Variants in ENTPD4 observed in about 807,000 individuals in gnomAD.
ENTPD4 encodes the protein ectonucleoside triphosphate diphosphohydrolase 4.
Under a neutral mutation model 79.1 loss-of-function variants are expected in ENTPD4, and 60 were observed. The ratio of observed to expected loss-of-function variants is 0.76; its 90% confidence interval spans 0.62 to 0.94. The LOEUF (loss-of-function observed/expected upper bound fraction) is 0.94. Among genes scored for constraint, ENTPD4 ranks in the 40% least tolerant of loss-of-function variants. ENTPD4 has a pLI of 0.00. For missense variants in ENTPD4, 772 were observed against 775.1 expected (o/e 1.00, Z 0.05); for synonymous variants, 276 against 292.0 (o/e 0.95, Z 0.56).
At position 23,455,450 on chromosome 8, in the gene ENTPD4, G is replaced by C. The variant is rs1048979195; in HGVS notation, c.-98+2107C>G. ...TTTCTGAGAGTGAGAGGCTGATGTG[G>C]AGGCTGCCGGGTGGCACCGTTACTC... On this transcript the variant is annotated intron_variant, in intron 1 of 12. Transcript: ENST00000358689. Among the ~76,000 whole-genome samples, 4 of 152,308 alleles carry C rather than the reference G, an allele frequency of 2.6e-5. No homozygotes were observed. The East Asian group carries it at 7.7e-4, about 29-fold the overall frequency.
chr8:23,439,366 C>T (rs963178491), intron 9 of ENTPD4, among the ~76,000 whole-genome samples: 1 of 152,224 alleles, frequency 6.6e-6, no homozygotes, highest in African/African-American at 2.4e-5. Context: ...TCCTCAGCAA[C>T]AAGAGAACAC....
intron 5 of ENTPD4, 80 bp from the exon 6 acceptor site, chr8:23,444,033 A>G: frequency 2.2e-6 from 2 of 916,638 alleles, no homozygotes; most frequent in South Asian, 3.2e-5. Context: ...AAAATAAACA[A>G]ACAAAAAACA....
At position 23,431,335 on chromosome 8, in the gene ENTPD4, AG is replaced by A. The variant is rs1800450103; in HGVS notation, c.*1590del. The A allele has an allele frequency of 2.0e-6, 2 of 985,212 alleles. No individual in the cohort carries two copies. The highest frequency in any genetic ancestry group is 1.1e-4 in the East Asian group (1 of 8,822). 61.0% of individuals were successfully genotyped at this position (985,212 alleles called of 1,614,324 possible). A position where few individuals can be genotyped will look rare whatever the true frequency, so the allele number is the denominator to read the frequency against. On this transcript the variant is annotated 3_prime_UTR_variant, in exon 13 of 13. Transcript: ENST00000358689. The stretch of plus-strand genomic sequence containing the variant: ...TGGGTACTAATCTGCTACCAACTAC[AG>A]GAATTTAACTGTTCTGGAGTTAGGG...
chr8:23,455,175 A>G (rs1300066492), intron 1 of ENTPD4, among the ~76,000 whole-genome samples: 1 of 152,208 alleles, frequency 6.6e-6, no homozygotes, highest in Non-Finnish European at 1.5e-5. Flanking sequence ...ATCAACCACA[A>G]AGGGAAATGG....
Position 23,429,477 on chromosome 8 carries a change from G to T in ENTPD4, c.*3449C>A, listed in dbSNP as rs564783719. The T allele has an allele frequency of 5.1e-6, 5 of 985,260 alleles. No homozygotes were observed. The South Asian group carries it at 1.4e-4, about 28-fold the overall frequency. 61.0% of individuals were successfully genotyped at this position (985,260 alleles called of 1,614,324 possible). On this transcript the variant is annotated 3_prime_UTR_variant, in exon 13 of 13. Coordinates refer to ENST00000358689, the MANE Select transcript of ENTPD4 (RefSeq NM_004901.5). The stretch of plus-strand genomic sequence containing the variant: ...TAAATAACTAAGTAATTTACTGAAA[G>T]GTAGTTTTGTTGCATTGCACACAAC...
chr8:23,437,306 T>A, intron 9 of ENTPD4, 48 bp from the exon 10 acceptor site: 1 of 1,452,234 alleles, frequency 6.9e-7, no homozygotes, highest in African/African-American at 1.4e-5. Context: ...GAAAACTGTG[T>A]TTTCAGGAAG....
At chr8:23,441,951 A>T in intron 7 of ENTPD4, 56 bp downstream of exon 7, 1 of 1,479,274 alleles carries the variant, frequency 6.8e-7, no homozygotes, top group Non-Finnish European at 9.5e-7. Flanking sequence ...CCTTTGGATT[A>T]AACAGAAAAG....
chr8:23,447,924 G>A (rs1188048915), intron 3 of ENTPD4, 39 bp from the exon 4 acceptor site: 1 of 1,533,204 alleles, frequency 6.5e-7, no homozygotes, highest in South Asian at 1.1e-5. Flanking sequence ...TTTAGACAAA[G>A]AATATCACCT....
chr8:23,457,339 G>C (rs1800977374), intron 1 of ENTPD4, among the ~76,000 whole-genome samples: 1 of 150,774 alleles, frequency 6.6e-6, no homozygotes, highest in African/African-American at 2.5e-5. Context: ...CCGGCCGCCA[G>C]GGCTCACAGG....
At position 23,434,334 on chromosome 8, in the gene ENTPD4, G is replaced by A. The variant is rs1385124194; in HGVS notation, c.1605C>T (p.Thr535=). Residue 535 remains threonine (T), a synonymous_variant, in exon 12 of 13, where the codon ACC becomes ACT. Coordinates refer to ENST00000358689, the MANE Select transcript of ENTPD4 (RefSeq NM_004901.5). ...AGCCCTACCTTAATGGTAGAAAGCG[G>A]GTCCTGTAGAGGATGGCTCCAAGGG... ...QWTLGAILYR[T]RFLPLRDIQQ... The A allele has an allele frequency of 3.1e-6, 5 of 1,614,006 alleles. No homozygotes were observed. The highest frequency in any genetic ancestry group is 4.2e-6 in the Non-Finnish European group (5 of 1,179,990).
intron 1 of ENTPD4, among the ~76,000 whole-genome samples, chr8:23,455,420 C>G (rs118147915): frequency 0.018 from 2,805 of 152,306 alleles, 43 homozygotes; most frequent in Middle Eastern, 0.044. Context: ...CAAGAAACAA[C>G]TGTCTTTCTG....
rs1232504708 is a variant in ENTPD4, at chr8:23,431,448, G to A, written c.*1478C>T. On this transcript the variant is annotated 3_prime_UTR_variant, in exon 13 of 13. Transcript: ENST00000358689. ...CCCAAACTTCTCAACTAAATAAATA[G>A]GTGAAAAAACACCAATCTCACATAT... 1.6e-5 allele frequency: 16 copies of A among 985,188 alleles called. No individual in the cohort carries two copies. The highest frequency in any genetic ancestry group is 3.5e-5 in the African/African-American group (2 of 57,186). The allele number at this position is 985,188 out of a possible 1,614,324, so 61.0% of individuals were successfully genotyped here. A position where few individuals can be genotyped will look rare whatever the true frequency, so the allele number is the denominator to read the frequency against.
In ENTPD4 at chr8:23,429,669, A is replaced by G. The variant is rs371897561; in HGVS notation, c.*3257T>C. 33 of 985,286 alleles carry G rather than the reference A, an allele frequency of 3.3e-5. No individual in the cohort carries two copies. The African/African-American group carries it at 5.6e-4, about 17-fold the overall frequency. 61.0% of individuals were successfully genotyped at this position (985,286 alleles called of 1,614,324 possible). On this transcript the variant is annotated 3_prime_UTR_variant, in exon 13 of 13. Transcript: ENST00000358689. ...GTTTATCCAGAGTTTGTTAATCTAG[A>G]GTACACAGATGTGGAAAACTGGTGG...
At chr8:23,457,369 G>C (rs1016840491) in intron 1 of ENTPD4, among the ~76,000 whole-genome samples, 188 bp downstream of exon 1, 1 of 152,064 alleles carries the variant, frequency 6.6e-6, no homozygotes, top group African/African-American at 2.4e-5. Context: ...CGGGGCGCTC[G>C]GATGTGGCCG....
chr8:23,442,490 C>T (rs1371061311), intron 6 of ENTPD4, among the ~76,000 whole-genome samples: 2 of 152,074 alleles, frequency 1.3e-5, no homozygotes, highest in Non-Finnish European at 1.5e-5. Flanking sequence ...TTGAGACCAT[C>T]CTGGCCAACA....
intron 6 of ENTPD4, among the ~76,000 whole-genome samples, chr8:23,443,434 A>G (rs1433232697): frequency 6.6e-6 from 1 of 152,222 alleles, no homozygotes; most frequent in Admixed American, 6.5e-5. Context: ...AATTTCATTG[A>G]CTTGACATTT....
chr8:23,434,435 T>C lies in ENTPD4; in HGVS notation c.1504A>G (p.Arg502Gly), dbSNP rs755451642. 4 of 1,614,148 alleles carry C rather than the reference T, an allele frequency of 2.5e-6. No individual in the cohort carries two copies. The Admixed American group carries it at 6.7e-5, about 27-fold the overall frequency. Residue 502 changes from arginine (R) to glycine (G), a missense_variant, in exon 12 of 13, where the codon AGG becomes GGG. Coordinates refer to ENST00000358689, the MANE Select transcript of ENTPD4 (RefSeq NM_004901.5). ...KSAWMFEVFH[R>G]GFSFPVNYKS... The stretch of plus-strand genomic sequence containing the variant: ...TAGTTGACAGGAAACGAAAAGCCCC[T>C]ATGAAACACCTCAAACATCCAGGCC...
chr8:23,432,791 C>T lies in ENTPD4; in HGVS notation c.*135G>A, dbSNP rs60497420. 8.8e-3 allele frequency: 12,689 copies of T among 1,438,390 alleles called. 619 individuals carry two copies. The African/African-American group carries it at 0.13, about 14-fold the overall frequency. The allele number at this position is 1,438,390 out of a possible 1,614,324, so 89.1% of individuals were successfully genotyped here. ...GGGATTACAGGCGTGAGCCACCGCG[C>T]TCGGCCTGCATTTTGTTTTTGTTTG... On this transcript the variant is annotated 3_prime_UTR_variant, in exon 13 of 13. Coordinates refer to ENST00000358689, the MANE Select transcript of ENTPD4 (RefSeq NM_004901.5).
In ENTPD4 at chr8:23,444,343, T is replaced by C. The variant is rs555919133; in HGVS notation, c.563+113A>G. 1.1e-3 allele frequency: 1,064 copies of C among 950,856 alleles called. 16 individuals carry two copies. In the South Asian group the frequency reaches 0.016, roughly 14 times the overall value. 58.9% of individuals were successfully genotyped at this position (950,856 alleles called of 1,614,324 possible). A position where few individuals can be genotyped will look rare whatever the true frequency, so the allele number is the denominator to read the frequency against. The stretch of plus-strand genomic sequence containing the variant: ...ACTTGAAGAAAGAATTTTGAATATT[T>C]TCCTTTCAATGATGATGATGATGAT... On this transcript the variant is annotated intron_variant, in intron 5 of 12. Transcript: ENST00000358689.
Sources: allele counts gnomAD v4.1 joint callset (sites outside exome capture counted in the v4.1 genomes callset), GRCh38; gene constraint gnomAD v4.1.1; transcripts MANE v1.5; gene names NCBI Gene and HGNC (gene_info 2026-07-23, HGNC 2026-07-21).